The following EFHC1 variants were observed in gnomAD, a reference collection of about 807,000 sequenced individuals.
EFHC1 encodes the protein EF-hand domain-containing protein 1.
In EFHC1, 53 loss-of-function variants were observed where a neutral mutation model predicts 69.9. The observed-to-expected ratio is 0.76, with a 90% CI of 0.61 to 0.95. EFHC1 has a LOEUF of 0.95. Among genes scored for constraint, EFHC1 ranks in the 40% least tolerant of loss-of-function variants. The probability of loss-of-function intolerance (pLI) is 0.00; values close to 1 mark genes in which losing one functional copy is unlikely to be tolerated. For synonymous variants in EFHC1, 256 were observed against 278.4 expected, an observed-to-expected ratio of 0.92 and a Z score of 0.80; for missense variants, 739 against 798.7, an observed-to-expected ratio of 0.93 and a Z score of 0.90.
At position 52,493,159 on chromosome 6, in the gene EFHC1, C is replaced by T. The variant is rs1562467344; in HGVS notation, c.*818C>T. The T allele has an allele frequency of 2.2e-6, 1 of 453,554 alleles. No individual in the cohort carries two copies. The allele number at this position is 453,554 out of a possible 1,614,324, so 28.1% of individuals were successfully genotyped here. ...TGCCTTCAGACACAAATGGAAACATCAGCTGTTGGTCTGGAGCCTGCTGAC... is the reference window on the plus strand; with the variant it reads ...TGCCTTCAGACACAAATGGAAACATTAGCTGTTGGTCTGGAGCCTGCTGAC... On this transcript the variant is annotated 3_prime_UTR_variant, in exon 11 of 11. Coordinates refer to ENST00000371068, the MANE Select transcript of EFHC1 (RefSeq NM_018100.4).
chr6:52,426,437 A>G (rs1764302408), intron 2 of EFHC1, among the ~76,000 whole-genome samples: 1 of 151,490 alleles, frequency 6.6e-6, no homozygotes, highest in Admixed American at 6.6e-5. Context: ...CCTCTTTTCA[A>G]TTCTTAACTT....
At position 52,454,102 on chromosome 6, in the gene EFHC1, G is replaced by A. The variant is rs140476054; in HGVS notation, c.731G>A (p.Arg244Gln). The A allele has an allele frequency of 1.5e-4, 242 of 1,613,180 alleles. No individual in the cohort carries two copies. Among genetic ancestry groups the A allele is most frequent in the Middle Eastern group, 1.4e-3 (8 of 5,548 alleles). ...ACTTTGGATTCTTCAAAGGTCCTTC[G>A]ATTCTATGCAATCTGGGATGATACA... ...QFLTFDKQVL[R>Q]FYAIWDDTDS... The change falls in exon 5 of 11, where the codon CGA becomes CAA. Residue 244 changes from arginine to glutamine, a missense_variant. Physicochemically the swap from Arg to Gln is conservative, Grantham distance 43. Transcript: ENST00000371068.
chr6:52,496,960 T>C lies in EFHC1; in HGVS notation c.*4619T>C, dbSNP rs1014021268. 2.4e-4 allele frequency: 37 copies of C among 152,272 alleles called. No homozygotes were observed. Among genetic ancestry groups the C allele is most frequent in the Admixed American group, 2.0e-3 (30 of 15,288 alleles). 9.4% of individuals were successfully genotyped at this position (152,272 alleles called of 1,614,324 possible). ...GCAGCCATGTAAGTGACACCAGCAA[T>C]CCCCACTATTACTAATACTTGGATG... On this transcript the variant is annotated 3_prime_UTR_variant, in exon 11 of 11. Transcript: ENST00000371068.
rs67536928 is a variant in EFHC1, at chr6:52,493,384, ATT to A, written c.*1046_*1047del. On this transcript the variant is annotated 3_prime_UTR_variant, in exon 11 of 11. Transcript: ENST00000371068. ...TCTCTACATATATATATATATATATATTTTATATGTACACATTCATACACACA... is the reference window on the plus strand; with the variant it reads ...TCTCTACATATATATATATATATATATTATATGTACACATTCATACACACA... 26 of 220,222 alleles carry A rather than the reference ATT, an allele frequency of 1.2e-4. 2 individuals are homozygous for A. Among genetic ancestry groups the A allele is most frequent in the Admixed American group, 5.1e-4 (10 of 19,630 alleles). The allele number at this position is 220,222 out of a possible 1,614,324, so 13.6% of individuals were successfully genotyped here.
At chr6:52,449,344 G>C (rs1167815209) in intron 3 of EFHC1, among the ~76,000 whole-genome samples, 3 of 148,834 alleles carry the variant, frequency 2.0e-5, no homozygotes, top group Admixed American at 6.7e-5. Context: ...TTGTGCCACT[G>C]CACTCCAGTC....
intron 2 of EFHC1, among the ~76,000 whole-genome samples, chr6:52,435,378 C>T (rs575536775): frequency 1.1e-4 from 16 of 152,280 alleles, no homozygotes; most frequent in Admixed American, 5.2e-4. Flanking sequence ...ACTTCTTCCC[C>T]TAAACCCAGT....
At chr6:52,477,977 G>C (rs999532430) in intron 7 of EFHC1, among the ~76,000 whole-genome samples, 1 of 152,116 alleles carries the variant, frequency 6.6e-6, no homozygotes, top group Middle Eastern at 3.4e-3. Flanking sequence ...ACATGCACAC[G>C]TATGTTTATT....
Position 52,465,130 on chromosome 6 carries a change from CT to C in EFHC1, c.1137+17del, listed in dbSNP as rs1220293218. 1.2e-6 allele frequency: 2 copies of C among 1,609,078 alleles called. No homozygotes were observed. Among genetic ancestry groups the C allele is most frequent in the Non-Finnish European group, 1.7e-6 (2 of 1,177,322 alleles). On this transcript the variant is annotated intron_variant, in intron 6 of 10. Coordinates refer to ENST00000371068, the MANE Select transcript of EFHC1 (RefSeq NM_018100.4). ...CAGTAAAACAGGTAATCAGATAGTA[CT>C]TCTTAGTGTGGTGAGAAAACTAATT...
rs1764940448 is a variant in EFHC1 at position 52,452,664 on chromosome 6, CATT to C, written c.574-23_574-21del. On this transcript the variant is annotated intron_variant, in intron 3 of 10. Transcript: ENST00000371068. ...TCTGAAAAGCTCCAAGAAAGATGAT[CATT>C]GTTAACTTTCAATTATTTAGGTATT... 2.5e-6 allele frequency: 4 copies of C among 1,612,698 alleles called. No individual in the cohort carries two copies. The East Asian group carries it at 8.9e-5, about 36-fold the overall frequency.
chr6:52,455,016 T>C (rs1207984522), intron 5 of EFHC1, among the ~76,000 whole-genome samples: 1 of 151,706 alleles, frequency 6.6e-6, no homozygotes, highest in Non-Finnish European at 1.5e-5. Flanking sequence ...CATCTGAGCC[T>C]GGGAGGTCGA....
At chr6:52,449,152 G>C (rs1468338960) in intron 3 of EFHC1, among the ~76,000 whole-genome samples, 2 of 152,164 alleles carry the variant, frequency 1.3e-5, no homozygotes, top group Admixed American at 6.5e-5. Flanking sequence ...GGGAGGCTGA[G>C]GCGGGTGGAT....
At chr6:52,478,259 AC>A (rs1765587339) in intron 7 of EFHC1, among the ~76,000 whole-genome samples, 1 of 145,356 alleles carries the variant, frequency 6.9e-6, no homozygotes, top group Non-Finnish European at 1.5e-5. Context: ...GGAATTTCAC[AC>A]TCTGGGGACT....
rs528957576 is a variant in EFHC1 at position 52,481,060 on chromosome 6, G to C, written c.1640+1273G>C. On this transcript the variant is annotated intron_variant, in intron 9 of 10. Transcript: ENST00000371068. ...AGATTAGGAGAGAGATTAGTTAAGA[G>C]ACTATTGCAGTATTCCAGGCAAGAG... 9.8e-5 allele frequency among the ~76,000 whole-genome samples: 15 copies of C among 152,296 alleles called. 1 individual carries two copies. The South Asian group carries it at 1.0e-3, about 11-fold the overall frequency.
At chr6:52,441,722 G>A (rs571639010) in intron 3 of EFHC1, among the ~76,000 whole-genome samples, 41 of 151,956 alleles carry the variant, frequency 2.7e-4, no homozygotes, top group Middle Eastern at 3.4e-3. Context: ...TTGATTTTTC[G>A]TATCCATGAG....
At chr6:52,433,253 G>A (rs1271630689) in intron 2 of EFHC1, among the ~76,000 whole-genome samples, 3 of 152,170 alleles carry the variant, frequency 2.0e-5, no homozygotes, top group Non-Finnish European at 4.4e-5. Flanking sequence ...AAAGAACCTT[G>A]TTTTGTCATA....
intron 5 of EFHC1, among the ~76,000 whole-genome samples, chr6:52,460,255 T>C (rs763082228): frequency 3.3e-5 from 5 of 152,206 alleles, no homozygotes; most frequent in Non-Finnish European, 7.3e-5. Context: ...AAAGTAACTA[T>C]GCTAAGAGAA....
intron 7 of EFHC1, among the ~76,000 whole-genome samples, chr6:52,478,297 G>T (rs1184717060): frequency 1.3e-5 from 2 of 151,888 alleles, no homozygotes; most frequent in East Asian, 3.9e-4. Flanking sequence ...AGGGGGGAGG[G>T]ATAGCATTGG....
rs981754231 is a variant in EFHC1 at position 52,496,432 on chromosome 6, C to A, written c.*4091C>A. ...GCACCATCAGGGGGCCTTGAAAATA[C>A]CATCCAATTAAGGTGTATCAAATCC... On this transcript the variant is annotated 3_prime_UTR_variant, in exon 11 of 11. Transcript: ENST00000371068. 2 of 152,108 alleles carry A rather than the reference C, an allele frequency of 1.3e-5. No individual in the cohort carries two copies. The highest frequency in any genetic ancestry group is 1.3e-4 in the Admixed American group (2 of 15,280). The allele number at this position is 152,108 out of a possible 1,614,324, so 9.4% of individuals were successfully genotyped here.
At chr6:52,490,753 A>T (rs1765883226) in intron 10 of EFHC1, 3 of 302,838 alleles carry the variant, frequency 9.9e-6, no homozygotes, top group Non-Finnish European at 1.2e-5. Context: ...GTTAGCATGA[A>T]AGAAGGCATG....
Sources: allele counts gnomAD v4.1 joint callset (sites outside exome capture counted in the v4.1 genomes callset), GRCh38; gene constraint gnomAD v4.1.1; transcripts MANE v1.5; gene names NCBI Gene and HGNC (gene_info 2026-07-23, HGNC 2026-07-21).